Variants in APOB observed in about 807,000 individuals in gnomAD.
The protein encoded by APOB is apolipoprotein B.
APOB carries 153 observed loss-of-function variants against 314.1 expected under a neutral mutation model. The ratio of observed to expected loss-of-function variants is 0.49; its 90% CI spans 0.43 to 0.56. APOB has a LOEUF of 0.56. APOB is among the 20% of genes least tolerant of loss of function. The pLI, the probability that APOB is intolerant of heterozygous loss-of-function variation, is 0.00. For synonymous variants in APOB, 2,087 were observed against 2,036.4 expected, an observed-to-expected ratio of 1.02 and a Z score of -0.67; for missense variants, 5,430 against 5,350.7, an observed-to-expected ratio of 1.01 and a Z score of -0.46.
chr2:21,026,674 C>A (rs1572794972), intron 15 of APOB, 114 bp downstream of exon 15: 1 of 919,038 alleles, frequency 1.1e-6, no homozygotes, highest in East Asian at 2.4e-5. Context: ...TTGATAAAAA[C>A]CATAGTTATC....
chr2:21,009,954 A>T lies in APOB; in HGVS notation c.6914T>A (p.Ile2305Asn). 2 of 1,613,784 alleles carry T rather than the reference A, an allele frequency of 1.2e-6. No individual in the cohort carries two copies. Reference protein sequence around the residue: ...RVLLDQLGTTISFERINDILE... With the variant: ...RVLLDQLGTTNSFERINDILE... ...AATGTCATTTATTCTTTCAAATGAA[A>T]TTGTAGTTCCCAATTGATCTAAAAG... The change falls in exon 26 of 29, where the codon ATT (isoleucine) becomes AAT (asparagine). Residue 2305 changes from isoleucine to asparagine, a missense_variant. Ile to Asn is a moderately radical substitution (Grantham distance 149). Transcript: ENST00000233242.
At chr2:21,026,694 A>T in intron 15 of APOB, 94 bp downstream of exon 15, 1 of 1,026,670 alleles carries the variant, frequency 9.7e-7, no homozygotes, top group Non-Finnish European at 1.5e-6. Flanking sequence ...CCCTTCAGTT[A>T]GATAGTATTT....
chr2:21,039,189 C>G (rs991221177), intron 4 of APOB, among the ~76,000 whole-genome samples: 1 of 152,272 alleles, frequency 6.6e-6, no homozygotes, highest in Non-Finnish European at 1.5e-5. Flanking sequence ...TGATGGCTCT[C>G]GTTTCCACCA....
Position 21,023,154 on chromosome 2 carries a change from C to G in APOB, c.2605-112G>C, listed in dbSNP as rs1426982179. On this transcript the variant is annotated intron_variant, in intron 17 of 28. Coordinates refer to ENST00000233242, the MANE Select transcript of APOB (RefSeq NM_000384.3). ...CAAAGATTTCCTGGATAACTCAGAC[C>G]TTTGGAAACATTACTGGGATTTGTT... The G allele has an allele frequency of 1.0e-5, 10 of 986,908 alleles. No homozygotes were observed. In the African/African-American group the frequency reaches 1.6e-4, roughly 16 times the overall value. The allele number at this position is 986,908 out of a possible 1,614,324, so 61.1% of individuals were successfully genotyped here. A position where few individuals can be genotyped will look rare whatever the true frequency, so the allele number is the denominator to read the frequency against.
chr2:21,043,636 G>A lies in APOB; in HGVS notation c.83-85C>T, dbSNP rs558652925. 18 of 1,542,922 alleles carry A rather than the reference G, an allele frequency of 1.2e-5. No homozygotes were observed. In the Admixed American group the frequency reaches 3.3e-4, roughly 28 times the overall value. On this transcript the variant is annotated intron_variant, in intron 1 of 28. Transcript: ENST00000233242. Reference sequence around the variant, plus strand: ...CCCGACAGGGGGACCACCGGCACAGGTTTCACCTTTCAGGAGGGAGGCAGG... The same window carrying A: ...CCCGACAGGGGGACCACCGGCACAGATTTCACCTTTCAGGAGGGAGGCAGG...
At position 21,007,626 on chromosome 2, in the gene APOB, C is replaced by G. The variant is rs72653100; in HGVS notation, c.9242G>C (p.Ser3081Thr). ...TACTTGCCAACTTGCTTGCTGGGCA[C>G]TGGGACTCAGAAACAGTGCATAGTT... ...LNNYALFLSPSAQQASWQVSA... is the reference protein window; with the variant it reads ...LNNYALFLSPTAQQASWQVSA... The change falls in exon 26 of 29, where the codon AGT (serine) becomes ACT (threonine). Residue 3081 changes from serine (S) to threonine (T), a missense_variant. Ser to Thr is a moderately conservative substitution (Grantham distance 58, BLOSUM62 1). Coordinates refer to ENST00000233242, the MANE Select transcript of APOB (RefSeq NM_000384.3). 98 of 1,614,060 alleles carry G rather than the reference C, an allele frequency of 6.1e-5. No homozygotes were observed. The African/African-American group carries it at 1.1e-3, about 18-fold the overall frequency.
chr2:21,015,605 G>T, intron 21 of APOB, 60 bp from the exon 22 acceptor site: 1 of 1,560,486 alleles, frequency 6.4e-7, no homozygotes, highest in Non-Finnish European at 8.7e-7. Context: ...AGATATGCAG[G>T]ATTAAACAGA....
intron 3 of APOB, among the ~76,000 whole-genome samples, chr2:21,041,776 G>A (rs997073764): frequency 6.6e-6 from 1 of 152,060 alleles, no homozygotes; most frequent in African/African-American, 2.4e-5. Context: ...AAGAGCTACG[G>A]TACTCTCTAA....
intron 18 of APOB, 39 bp from the exon 19 acceptor site, chr2:21,019,944 A>G (rs1663563398): frequency 3.1e-6 from 5 of 1,597,348 alleles, no homozygotes; most frequent in Admixed American, 3.3e-5. Flanking sequence ...TTGCCAAGTC[A>G]TGAATCAAAA....
rs144607070 is a variant in APOB at position 21,010,985 on chromosome 2, A to G, written c.5883T>C (p.Ser1961=). Residue 1961 remains serine, a synonymous_variant, in exon 26 of 29, where the codon AGT becomes AGC. Coordinates refer to ENST00000233242, the MANE Select transcript of APOB (RefSeq NM_000384.3). Reference sequence around the variant, plus strand: ...CACTGACTTTGTGTTCAAGAGCTGCACTGATGCTTTTCCTAGACACGAGAT... The same window carrying G: ...CACTGACTTTGTGTTCAAGAGCTGCGCTGATGCTTTTCCTAGACACGAGAT... ...SHHLVSRKSI[S]AALEHKVSAL... 10 of 1,614,048 alleles carry G rather than the reference A, an allele frequency of 6.2e-6. No individual in the cohort carries two copies. The highest frequency in any genetic ancestry group is 5.3e-5 in the African/African-American group (4 of 74,922).
intron 6 of APOB, 150 bp downstream of exon 6, chr2:21,036,950 C>T: frequency 2.0e-6 from 2 of 982,326 alleles, no homozygotes; most frequent in Admixed American, 2.0e-5. Flanking sequence ...GCAGACCTTC[C>T]CGTGCCTGCT....
At chr2:21,043,661 G>A in intron 1 of APOB, 110 bp from the exon 2 acceptor site, 1 of 1,513,710 alleles carries the variant, frequency 6.6e-7, no homozygotes, top group Non-Finnish European at 9.0e-7. Flanking sequence ...AGGGAGGCAG[G>A]CTCCGGAGAC....
At position 21,005,948 on chromosome 2, in the gene APOB, A is replaced by T. The variant is rs1663124614; in HGVS notation, c.10920T>A (p.His3640Gln). The T allele has an allele frequency of 6.2e-7, 1 of 1,613,794 alleles. No homozygotes were observed. The highest frequency in any genetic ancestry group is 1.1e-5 in the South Asian group (1 of 91,072). The change falls in exon 26 of 29, where the codon CAT becomes CAA. Residue 3640 changes from histidine (H) to glutamine (Q), a missense_variant. Physicochemically the swap from His to Gln is conservative, Grantham distance 24. Around this residue, in one of 3 missense-constraint regions of APOB, gnomAD observed 3,281 missense variants for 3,171.0 expected, o/e 1.03. Coordinates refer to ENST00000233242, the MANE Select transcript of APOB (RefSeq NM_000384.3). ...CGACCTGGCTCTGGAAAGACCCAGA[A>T]TGAATCCGGACTTCATTTTTCCATC... is the stretch of plus-strand genomic sequence containing the variant. ...KIRWKNEVRI[H>Q]SGSFQSQVEL... is the part of the protein sequence containing the mutation.
Position 21,005,753 on chromosome 2 carries a change from T to A in APOB, c.11115A>T (p.Ser3705=). Residue 3705 remains serine, a synonymous_variant, in exon 26 of 29, where the codon TCA becomes TCT. Transcript: ENST00000233242. ...GGTTTTTGGTGTACACAAAGGCAGT[T>A]GAAACACGAAGATGCTGTCTCCTAC... The part of the protein sequence containing the change: ...SIGRRQHLRV[S]TAFVYTKNPN... The A allele has an allele frequency of 6.2e-7, 1 of 1,613,936 alleles. No homozygotes were observed. Among genetic ancestry groups the A allele is most frequent in the Non-Finnish European group, 8.5e-7 (1 of 1,179,948 alleles).
At position 21,028,477 on chromosome 2, in the gene APOB, G is replaced by T. The variant is rs749886609; in HGVS notation, c.1679C>A (p.Ala560Asp). ...ACTCCTCATCAACATAAGATAGGCA[G>T]CCAGTCGCTTATCTCCCGGAGAAGC... ...DDASPGDKRL[A>D]AYLMLMRSPS... Residue 560 changes from alanine to aspartate, a missense_variant, in exon 13 of 29, where the codon GCT becomes GAT. Ala to Asp is a moderately radical substitution (Grantham distance 126). Transcript: ENST00000233242. 1 of 1,613,956 alleles carries T rather than the reference G, an allele frequency of 6.2e-7. No homozygotes were observed. Among genetic ancestry groups the T allele is most frequent in the Admixed American group, 1.7e-5 (1 of 60,026 alleles).
In APOB at chr2:21,013,256, T is replaced by A. The variant is rs1161263975; in HGVS notation, c.4120A>T (p.Ser1374Cys). ...TGGTCTGTGCTGGTGTTGCCACCAC[T>A]GTAGGAGGCGGACCAGTTGTACAAG... ...SNLYNWSASY[S>C]GGNTSTDHFS... The change falls in exon 25 of 29, where the codon AGT (serine) becomes TGT (cysteine). Residue 1374 changes from serine to cysteine, a missense_variant. Physicochemically the swap from Ser to Cys is moderately radical, Grantham distance 112. Transcript: ENST00000233242. The A allele has an allele frequency of 3.7e-6, 6 of 1,614,186 alleles. No homozygotes were observed. In the South Asian group the frequency reaches 6.6e-5, roughly 18 times the overall value.
chr2:21,019,054 T>A lies in APOB; in HGVS notation c.3059A>T (p.Tyr1020Phe), dbSNP rs769754988. 6.2e-7 allele frequency: 1 copy of A among 1,614,066 alleles called. No homozygotes were observed. Among genetic ancestry groups the A allele is most frequent in the Non-Finnish European group, 8.5e-7 (1 of 1,180,004 alleles). ...GGCTCTGTCCTCTCTCTGGAGCTCATAGGTTGCGCTGACAGAATACTGCTC... is the reference window on the plus strand; with the variant it reads ...GGCTCTGTCCTCTCTCTGGAGCTCAAAGGTTGCGCTGACAGAATACTGCTC... ...EIEQYSVSAT[Y>F]ELQREDRALV... Residue 1020 changes from tyrosine to phenylalanine, a missense_variant, in exon 20 of 29, where the codon TAT (tyrosine) becomes TTT (phenylalanine). By Grantham distance (22) the Tyr-to-Phe change is conservative. Around this residue, in one of 3 missense-constraint regions of APOB, gnomAD observed 2,085 missense variants for 2,079.7 expected, o/e 1.00. Coordinates refer to ENST00000233242, the MANE Select transcript of APOB (RefSeq NM_000384.3).
chr2:21,020,499 C>T (rs979208750), intron 18 of APOB, among the ~76,000 whole-genome samples: 1 of 152,192 alleles, frequency 6.6e-6, no homozygotes, highest in Non-Finnish European at 1.5e-5. Context: ...TAATGCCCTC[C>T]TTGCTCCTAC....
At position 21,006,474 on chromosome 2, in the gene APOB, T is replaced by C. The variant is rs1663141372; in HGVS notation, c.10394A>G (p.Asn3465Ser). The stretch of plus-strand genomic sequence containing the variant: ...AGCGGTAGAGTACAGCATTGAAGAA[T>C]TGAAATCATACTTAAATTCCATGGA... The part of the protein sequence containing the change: ...SSSMEFKYDF[N>S]SSMLYSTAKG... The change falls in exon 26 of 29, where the codon AAT becomes AGT. Residue 3465 changes from asparagine to serine, a missense_variant. Around this residue, in one of 3 missense-constraint regions of APOB, gnomAD observed 3,281 missense variants for 3,171.0 expected, o/e 1.03. Transcript: ENST00000233242. 4 of 1,614,130 alleles carry C rather than the reference T, an allele frequency of 2.5e-6. No homozygotes were observed. The highest frequency in any genetic ancestry group is 2.2e-5 in the South Asian group (2 of 91,088).
Sources: allele counts gnomAD v4.1 joint callset (sites outside exome capture counted in the v4.1 genomes callset), GRCh38; gene constraint gnomAD v4.1.1; regional missense constraint gnomAD v4.1.1; transcripts MANE v1.5; gene names NCBI Gene and HGNC (gene_info 2026-07-23, HGNC 2026-07-21).